TUT4: variants seen among roughly 807,000 people sequenced by gnomAD.
TUT4 encodes the protein terminal uridylyltransferase 4.
In TUT4, 36 loss-of-function variants were observed where a neutral mutation model predicts 192.2. The observed-to-expected ratio is 0.19, with a 90% confidence interval of 0.14 to 0.25. The LOEUF (loss-of-function observed/expected upper bound fraction) is 0.25, where lower values mean the gene tolerates loss of function less well. Among genes scored for constraint, TUT4 ranks in the 10% least tolerant of loss-of-function variants. The probability of loss-of-function intolerance (pLI) is 1.00; values close to 1 mark genes in which losing one functional copy is unlikely to be tolerated. For missense variants in TUT4, 1,493 were observed against 1,957.2 expected (o/e 0.76, Z 4.47); for synonymous variants, 618 against 666.0 (o/e 0.93, Z 1.11).
chr1:52,450,366 T>C lies in TUT4; in HGVS notation c.3436-3699A>G, dbSNP rs188448809. Among the ~76,000 whole-genome samples, 43 of 152,242 alleles carry C rather than the reference T, an allele frequency of 2.8e-4. No individual in the cohort carries two copies. The East Asian group carries it at 5.2e-3, about 18-fold the overall frequency. On this transcript the variant is annotated intron_variant, in intron 20 of 29. Coordinates refer to ENST00000257177, the MANE Select transcript of TUT4 (RefSeq NM_001009881.3). ...TCCATGTATCATCAGTCTATATATA[T>C]CACAAAGTCCCCCGAAATCAAACCT...
chr1:52,476,371 C>A (rs1241916058), intron 12 of TUT4, among the ~76,000 whole-genome samples: 2 of 152,078 alleles, frequency 1.3e-5, no homozygotes, highest in African/African-American at 4.8e-5. Context: ...AATAACTACC[C>A]TGTAAAGTCT....
At chr1:52,439,912 C>T (rs1333380492) in intron 24 of TUT4, among the ~76,000 whole-genome samples, 1 of 152,054 alleles carries the variant, frequency 6.6e-6, no homozygotes, top group African/African-American at 2.4e-5. Context: ...TGTGGTATAT[C>T]CATACAATGG....
At chr1:52,445,084 C>A (rs186015433) in intron 24 of TUT4, among the ~76,000 whole-genome samples, 3 of 150,046 alleles carry the variant, frequency 2.0e-5, no homozygotes, top group South Asian at 2.1e-4. Context: ...TTATATATAT[C>A]CTATTAGCTC....
At chr1:52,467,827 T>C (rs774505011) in intron 15 of TUT4, among the ~76,000 whole-genome samples, 25 of 152,190 alleles carry the variant, frequency 1.6e-4, no homozygotes, top group Non-Finnish European at 4.4e-5. Context: ...CAACAATGTT[T>C]TCTCCTTGGA....
intron 29 of TUT4, 157 bp from the exon 30 acceptor site, chr1:52,424,159 TGAA>T: frequency 1.3e-5 from 9 of 673,048 alleles, no homozygotes; most frequent in South Asian, 2.0e-5. Flanking sequence ...GGGAGAAAAA[TGAA>T]GAAGGGAAGG....
chr1:52,445,223 C>T (rs1260607795), intron 24 of TUT4, among the ~76,000 whole-genome samples: 1 of 151,864 alleles, frequency 6.6e-6, no homozygotes, highest in African/African-American at 2.4e-5. Context: ...CAGAGTGAGG[C>T]CAAGAGGAAT....
At chr1:52,529,043 C>T (rs1384660515) in intron 1 of TUT4, among the ~76,000 whole-genome samples, 1 of 152,104 alleles carries the variant, frequency 6.6e-6, no homozygotes, top group East Asian at 1.9e-4. Flanking sequence ...CAGTCCTCTA[C>T]ATTCTCTGCC....
chr1:52,437,403 A>G (rs1188647935), intron 25 of TUT4: 1 of 164,960 alleles, frequency 6.1e-6, no homozygotes, highest in Non-Finnish European at 1.3e-5. Context: ...GATCTTCCTG[A>G]CCTACTACAG....
intron 10 of TUT4, 21 bp downstream of exon 10, chr1:52,481,783 A>G (rs1668538111): frequency 6.4e-7 from 1 of 1,569,440 alleles, no homozygotes; most frequent in Non-Finnish European, 8.6e-7. Context: ...ATGCATATAT[A>G]TGTCACAAAT....
At chr1:52,443,963 T>C (rs944760717) in intron 24 of TUT4, among the ~76,000 whole-genome samples, 4 of 152,080 alleles carry the variant, frequency 2.6e-5, no homozygotes, top group African/African-American at 9.7e-5. Context: ...TTAGGCCAAA[T>C]GCGGTGGCTC....
intron 28 of TUT4, among the ~76,000 whole-genome samples, chr1:52,428,485 G>C (rs1650777241): frequency 1.3e-5 from 2 of 152,118 alleles, no homozygotes; most frequent in South Asian, 4.1e-4. Context: ...ATTTAGCTAG[G>C]CGTGGTGGCA....
Position 52,497,056 on chromosome 1 carries a change from C to A in TUT4, c.1127G>T (p.Arg376Leu). The A allele has an allele frequency of 6.2e-7, 1 of 1,613,798 alleles. No individual in the cohort carries two copies. The highest frequency in any genetic ancestry group is 8.5e-7 in the Non-Finnish European group (1 of 1,179,912). The part of the protein sequence containing the change: ...HGITDDDLRV[R>L]QEIVEEMSKV... ...TGACATTTCCTCCACAATTTCCTGA[C>A]GGACTCTGAGGTCATCATCTGTTAT... Residue 376 changes from arginine to leucine, a missense_variant, in exon 5 of 30, where the codon CGT (arginine) becomes CTT (leucine). Coordinates refer to ENST00000257177, the MANE Select transcript of TUT4 (RefSeq NM_001009881.3).
intron 19 of TUT4, among the ~76,000 whole-genome samples, chr1:52,459,917 T>C (rs1324666443): frequency 3.3e-5 from 5 of 150,562 alleles, no homozygotes; most frequent in African/African-American, 1.2e-4. Flanking sequence ...ATTAAAAAAA[T>C]ATAGGGGAGG....
chr1:52,472,097 T>C lies in TUT4; in HGVS notation c.2733A>G (p.Pro911=). Residue 911 remains proline, a synonymous_variant, in exon 14 of 30, where the codon CCA becomes CCG. Coordinates refer to ENST00000257177, the MANE Select transcript of TUT4 (RefSeq NM_001009881.3). ...TTTTGCAGATGCTGCATACTATCGT[T>C]GGTGGCTACACAAAGATAAAAAGAA... ...DKFILTSGKP[P]TIVCSICKKD... The C allele has an allele frequency of 6.2e-7, 1 of 1,613,182 alleles. No individual in the cohort carries two copies. The highest frequency in any genetic ancestry group is 8.5e-7 in the Non-Finnish European group (1 of 1,179,702).
intron 25 of TUT4, chr1:52,437,833 T>A (rs1654274448): frequency 6.1e-6 from 1 of 163,248 alleles, no homozygotes; most frequent in Non-Finnish European, 1.3e-5. Context: ...TGTGCGCCTG[T>A]AATCCCAGCT....
intron 24 of TUT4, among the ~76,000 whole-genome samples, chr1:52,441,573 A>G (rs1192988423): frequency 1.3e-5 from 2 of 151,118 alleles, no homozygotes; most frequent in African/African-American, 2.4e-5. Context: ...GATTACAAAC[A>G]TGAGCCACCG....
At chr1:52,437,588 T>C (rs1218432641) in intron 25 of TUT4, 1 of 152,506 alleles carries the variant, frequency 6.6e-6, no homozygotes, top group Non-Finnish European at 1.5e-5. Context: ...ACCCAACGTC[T>C]TGGTCACTTT....
At position 52,458,494 on chromosome 1, in the gene TUT4, C is replaced by A. The variant is rs569268920; in HGVS notation, c.3322-45G>T. On this transcript the variant is annotated intron_variant, in intron 19 of 29. Coordinates refer to ENST00000257177, the MANE Select transcript of TUT4 (RefSeq NM_001009881.3). ...AAAACAAAACTTCAGAGTCTTACTC[C>A]ATGCAGAAGTATATTAAACATTCTG... 9 of 1,420,840 alleles carry A rather than the reference C, an allele frequency of 6.3e-6. No homozygotes were observed. The East Asian group carries it at 2.1e-4, about 33-fold the overall frequency. The allele number at this position is 1,420,840 out of a possible 1,614,324, so 88.0% of individuals were successfully genotyped here.
At chr1:52,510,317 C>CAAAAA (rs200690805) in intron 3 of TUT4, among the ~76,000 whole-genome samples, 2,200 of 70,474 alleles carry the variant, frequency 0.031, 14 homozygotes, top group Non-Finnish European at 0.04. Context: ...TTCGTATTAA[C>CAAAAA]AAAAAAAAAA....
Sources: gnomAD v4.1 joint callset for allele counts (sites outside exome capture counted in the v4.1 genomes callset) on GRCh38, gnomAD v4.1.1 for gene constraint, MANE v1.5 for transcripts, NCBI Gene and HGNC (gene_info 2026-07-23, HGNC 2026-07-21) for gene names.